Variants in SOS1 observed in about 807,000 individuals in gnomAD.
The protein encoded by SOS1 is son of sevenless homolog 1.
Under a neutral mutation model 157.6 loss-of-function variants are expected in SOS1, and 25 were observed. The observed-to-expected ratio is 0.16, with a 90% CI of 0.12 to 0.22. The LOEUF is 0.22. Among genes scored for constraint, SOS1 ranks in the 10% least tolerant of loss-of-function variants. The pLI, the probability that SOS1 is intolerant of heterozygous loss-of-function variation, is 1.00. For synonymous variants in SOS1, 528 were observed against 534.0 expected (o/e 0.99, Z 0.16); for missense variants, 1,237 against 1,599.1 (o/e 0.77, Z 3.86).
chr2:39,055,684 G>C (rs965313012), intron 4 of SOS1, among the ~76,000 whole-genome samples: 2 of 152,092 alleles, frequency 1.3e-5, no homozygotes, highest in African/African-American at 4.8e-5. Flanking sequence ...TTCCAAATCA[G>C]TAAGAGTATA....
intron 8 of SOS1, among the ~76,000 whole-genome samples, chr2:39,025,423 C>T (rs1669924434): frequency 6.6e-6 from 1 of 151,808 alleles, no homozygotes; most frequent in Non-Finnish European, 1.5e-5. Flanking sequence ...AATCTCAGCT[C>T]ACTGCAACCT....
At position 39,100,816 on chromosome 2, in the gene SOS1, G is replaced by C. The variant is rs142082829; in HGVS notation, c.87+19520C>G. ...CACCTTTAGTCCTAGCTACTTGAGAGGCTGAGGAGGGAGGATCACTTAAGC... is the reference window on the plus strand; with the variant it reads ...CACCTTTAGTCCTAGCTACTTGAGACGCTGAGGAGGGAGGATCACTTAAGC... On this transcript the variant is annotated intron_variant, in intron 1 of 22. Coordinates refer to ENST00000402219, the MANE Select transcript of SOS1 (RefSeq NM_005633.4). 1.6e-3 allele frequency among the ~76,000 whole-genome samples: 245 copies of C among 152,250 alleles called. 1 individual carries two copies. Among genetic ancestry groups the C allele is most frequent in the African/African-American group, 5.6e-3 (233 of 41,536 alleles).
At position 38,986,238 on chromosome 2, in the gene SOS1, A is replaced by G; in HGVS notation, c.3588T>C (p.Tyr1196=). ...QPTSKAYSPR[Y]SISDRTSISD... ...AGATAGAGGTCCGGTCTGATATTGA[A>G]TATCGTGGTGAATAGGCTTTTGATG... Residue 1196 remains tyrosine, a synonymous_variant, in exon 23 of 23, where the codon TAT becomes TAC. Transcript: ENST00000402219. The G allele has an allele frequency of 6.2e-7, 1 of 1,613,884 alleles. No individual in the cohort carries two copies. Among genetic ancestry groups the G allele is most frequent in the African/African-American group, 1.3e-5 (1 of 75,004 alleles).
chr2:39,104,058 G>A (rs1673073782), intron 1 of SOS1, among the ~76,000 whole-genome samples: 1 of 152,124 alleles, frequency 6.6e-6, no homozygotes, highest in Admixed American at 6.5e-5. Context: ...GGCGGGGGTG[G>A]ATCACCTGAG....
intron 1 of SOS1, among the ~76,000 whole-genome samples, chr2:39,081,723 G>T (rs1672207741): frequency 6.6e-6 from 1 of 151,930 alleles, no homozygotes; most frequent in East Asian, 1.9e-4. Flanking sequence ...TACTTGGAAG[G>T]CTGAGGCAGG....
chr2:38,993,109 C>T (rs775229091), intron 20 of SOS1: 1 of 151,696 alleles, frequency 6.6e-6, no homozygotes, highest in Non-Finnish European at 1.5e-5. Context: ...AAAAAAGACT[C>T]CATGACCTTC....
chr2:39,056,843 G>A lies in SOS1; in HGVS notation c.369C>T (p.Asp123=), dbSNP rs1444978665. The change falls in exon 4 of 23, where the codon GAC becomes GAT. Residue 123 remains aspartate (D), a synonymous_variant. Transcript: ENST00000402219. ...LLKEVLGYKI[D]HQVSVYIVAV... is the part of the protein sequence containing the mutation. ...CTACTATGTAAACAGAAACCTGGTG[G>A]TCAATTTTATAACCTAGGACCTCCT... 1 of 1,609,992 alleles carries A rather than the reference G, an allele frequency of 6.2e-7. No homozygotes were observed. The highest frequency in any genetic ancestry group is 8.5e-7 in the Non-Finnish European group (1 of 1,176,524).
intron 6 of SOS1, 38 bp downstream of exon 6, chr2:39,051,106 T>C: frequency 6.2e-7 from 1 of 1,601,912 alleles, no homozygotes; most frequent in Non-Finnish European, 8.6e-7. Flanking sequence ...ATGTAGGCTT[T>C]TATGCAGACT....
chr2:39,017,654 C>G (rs1669671695), intron 10 of SOS1, among the ~76,000 whole-genome samples: 1 of 151,838 alleles, frequency 6.6e-6, no homozygotes. Context: ...AATTTAAGTA[C>G]TTTCAAAAAA....
At chr2:39,014,020 G>C (rs751196508) in intron 11 of SOS1, 31 bp from the exon 12 acceptor site, 2 of 1,537,104 alleles carry the variant, frequency 1.3e-6, no homozygotes, top group South Asian at 2.2e-5. Context: ...TTAATGAAAA[G>C]ACTAATTATA....
intron 10 of SOS1, among the ~76,000 whole-genome samples, chr2:39,018,457 G>T (rs978921530): frequency 6.6e-6 from 1 of 151,638 alleles, no homozygotes; most frequent in African/African-American, 2.4e-5. Context: ...AAATAACCAG[G>T]TTATTTCAAA....
chr2:39,103,139 C>A (rs960807860), intron 1 of SOS1, among the ~76,000 whole-genome samples: 1 of 152,026 alleles, frequency 6.6e-6, no homozygotes, highest in Non-Finnish European at 1.5e-5. Context: ...AACTACAATA[C>A]GCTGCTGCAG....
At chr2:39,091,190 A>C (rs575184427) in intron 1 of SOS1, among the ~76,000 whole-genome samples, 100 of 151,886 alleles carry the variant, frequency 6.6e-4, no homozygotes, top group Admixed American at 1.4e-3. Flanking sequence ...ATTTTTATCA[A>C]CCTCTCAGGT....
intron 4 of SOS1, 62 bp downstream of exon 4, chr2:39,056,640 T>C (rs1201303925): frequency 9.9e-7 from 1 of 1,011,578 alleles, no homozygotes; most frequent in Admixed American, 1.7e-5. Context: ...GAATAGTACG[T>C]TAGCATCTAA....
intron 2 of SOS1, among the ~76,000 whole-genome samples, chr2:39,065,128 C>T (rs998426131): frequency 3.9e-5 from 6 of 152,038 alleles, no homozygotes; most frequent in Non-Finnish European, 8.8e-5. Context: ...CCAAAACACA[C>T]TTAGGGCTTG....
chr2:39,055,116 T>C (rs981033225), intron 4 of SOS1, among the ~76,000 whole-genome samples: 8 of 152,314 alleles, frequency 5.3e-5, no homozygotes, highest in Admixed American at 5.2e-4. Context: ...TGTCTTTAAT[T>C]TCCCTGACTT....
chr2:39,022,777 C>G lies in SOS1; in HGVS notation c.1651G>C (p.Glu551Gln). 2.5e-6 allele frequency: 4 copies of G among 1,613,336 alleles called. No homozygotes were observed. The highest frequency in any genetic ancestry group is 3.4e-6 in the Non-Finnish European group (4 of 1,179,402). ...LISLQYRSTL[E>Q]RMLDVTMLQE... ...AGCATTGTTACATCAAGCATCCTTT[C>G]CAGTGTACTCCGGTACTGTAAAGAT... The change falls in exon 10 of 23, where the codon GAA (glutamate) becomes CAA (glutamine). Residue 551 changes from glutamate (E) to glutamine (Q), a missense_variant. Physicochemically the swap from Glu to Gln is conservative, Grantham distance 29. Coordinates refer to ENST00000402219, the MANE Select transcript of SOS1 (RefSeq NM_005633.4).
intron 13 of SOS1, among the ~76,000 whole-genome samples, 162 bp from the exon 14 acceptor site, chr2:39,012,510 C>T (rs1245895954): frequency 1.3e-5 from 2 of 152,078 alleles, no homozygotes; most frequent in Admixed American, 6.6e-5. Flanking sequence ...TTCCATTTCC[C>T]GGTCCCCAAT....
chr2:39,012,364 T>TCTG lies in SOS1; in HGVS notation c.2168-17_2168-16insCAG. ...ATTGCTTTACCTGCAATACATTATA[T>TCTG]TTTAAATAACATTTAAATATTCTTT... On this transcript the variant is annotated splice_polypyrimidine_tract_variant and intron_variant, in intron 13 of 22. Transcript: ENST00000402219. 1 of 1,249,268 alleles carries TCTG rather than the reference T, an allele frequency of 8.0e-7. No homozygotes were observed. Among genetic ancestry groups the TCTG allele is most frequent in the South Asian group, 1.4e-5 (1 of 69,056 alleles). The allele number at this position is 1,249,268 out of a possible 1,614,324, so 77.4% of individuals were successfully genotyped here. A position where few individuals can be genotyped will look rare whatever the true frequency, so the allele number is the denominator to read the frequency against.
Sources: gnomAD v4.1 joint callset for allele counts (sites outside exome capture counted in the v4.1 genomes callset) on GRCh38, gnomAD v4.1.1 for gene constraint, MANE v1.5 for transcripts, NCBI Gene and HGNC (gene_info 2026-07-23, HGNC 2026-07-21) for gene names.